Variants in SRGAP1 observed in about 807,000 individuals in gnomAD.
SRGAP1 encodes SLIT-ROBO Rho GTPase-activating protein 1.
In SRGAP1, 43 loss-of-function variants were observed where a neutral mutation model predicts 121.9. The observed-to-expected ratio is 0.35, with a 90% CI of 0.28 to 0.46. The LOEUF (loss-of-function observed/expected upper bound fraction) is 0.46, where lower values mean the gene tolerates loss of function less well. SRGAP1 is among the 20% of genes least tolerant of loss of function. The pLI is 1.00. For missense variants in SRGAP1, 1,102 were observed against 1,350.9 expected (o/e 0.82, Z 2.89); for synonymous variants, 447 against 485.4 (o/e 0.92, Z 1.04).
At chr12:63,935,174 G>GT (rs112070465) in intron 1 of SRGAP1, among the ~76,000 whole-genome samples, 451 of 152,112 alleles carry the variant, frequency 3.0e-3, no homozygotes, top group African/African-American at 0.01. Flanking sequence ...AAAAGTAAAT[G>GT]TTTTTTTAAA....
At chr12:64,011,321 A>T (rs2034246240) in intron 3 of SRGAP1, among the ~76,000 whole-genome samples, 1 of 152,166 alleles carries the variant, frequency 6.6e-6, no homozygotes, top group South Asian at 2.1e-4. Flanking sequence ...AGAATTGATA[A>T]GATTGGTAAC....
intron 1 of SRGAP1, among the ~76,000 whole-genome samples, chr12:63,853,136 C>T (rs1246825087): frequency 6.6e-6 from 1 of 151,782 alleles, no homozygotes; most frequent in Non-Finnish European, 1.5e-5. Flanking sequence ...TCTCCTGCCT[C>T]AGACTCATGA....
intron 14 of SRGAP1, among the ~76,000 whole-genome samples, chr12:64,095,544 C>T (rs2036140317): frequency 6.6e-6 from 1 of 152,138 alleles, no homozygotes; most frequent in South Asian, 2.1e-4. Context: ...CAGCTCCTCC[C>T]TGCTGCCCAG....
At chr12:64,033,079 T>C (rs2034818766) in intron 4 of SRGAP1, among the ~76,000 whole-genome samples, 2 of 152,120 alleles carry the variant, frequency 1.3e-5, no homozygotes, top group African/African-American at 4.8e-5. Flanking sequence ...AACACTACAG[T>C]GAACAGAAGC....
At chr12:63,904,902 C>G (rs2030126911) in intron 1 of SRGAP1, among the ~76,000 whole-genome samples, 1 of 152,068 alleles carries the variant, frequency 6.6e-6, no homozygotes, top group Non-Finnish European at 1.5e-5. Flanking sequence ...TCACTGCACT[C>G]CAGCCTGAGT....
At chr12:63,964,606 A>G (rs757596562) in intron 1 of SRGAP1, among the ~76,000 whole-genome samples, 3 of 151,844 alleles carry the variant, frequency 2.0e-5, no homozygotes, top group Admixed American at 6.6e-5. Context: ...CTTGAGGCCT[A>G]TATAACTCCC....
chr12:63,922,617 C>T (rs2031103865), intron 1 of SRGAP1, among the ~76,000 whole-genome samples: 1 of 152,226 alleles, frequency 6.6e-6, no homozygotes, highest in South Asian at 2.1e-4. Flanking sequence ...TTGCACCATC[C>T]TTCACATTCC....
At chr12:64,117,333 T>C (rs2036538847) in intron 18 of SRGAP1, among the ~76,000 whole-genome samples, 1 of 152,232 alleles carries the variant, frequency 6.6e-6, no homozygotes, top group East Asian at 1.9e-4. Flanking sequence ...TCTTTTTGTT[T>C]GGTTTCGCTT....
intron 1 of SRGAP1, among the ~76,000 whole-genome samples, chr12:63,936,540 G>A (rs2031667525): frequency 6.6e-6 from 1 of 152,046 alleles, no homozygotes; most frequent in South Asian, 2.1e-4. Flanking sequence ...ACTTTTTCTG[G>A]TCTCATATGA....
Position 63,918,562 on chromosome 12 carries a change from A to G in SRGAP1, c.68-65385A>G, listed in dbSNP as rs146446580. On this transcript the variant is annotated intron_variant, in intron 1 of 21. Transcript: ENST00000355086. ...CTCCTGAGTAGCTGGAACTACAGTC[A>G]TGTGCCACCATGCCCAGTTAATTTG... Among the ~76,000 whole-genome samples, 1,499 of 152,234 alleles carry G rather than the reference A, an allele frequency of 9.8e-3. 16 individuals carry two copies. The highest frequency in any genetic ancestry group is 0.015 in the Non-Finnish European group (1,036 of 68,004).
chr12:63,853,871 C>T (rs890842724), intron 1 of SRGAP1, among the ~76,000 whole-genome samples: 1 of 152,226 alleles, frequency 6.6e-6, no homozygotes, highest in African/African-American at 2.4e-5. Context: ...CAAAGCTTAG[C>T]CTCTGGATTG....
intron 3 of SRGAP1, among the ~76,000 whole-genome samples, chr12:63,999,941 T>G (rs1593022185): frequency 1.3e-5 from 2 of 152,130 alleles, no homozygotes; most frequent in East Asian, 3.9e-4. Context: ...ATAAAATGAC[T>G]GAGAAGGATC....
chr12:63,913,853 A>G (rs1321907680), intron 1 of SRGAP1, among the ~76,000 whole-genome samples: 2 of 152,120 alleles, frequency 1.3e-5, no homozygotes, highest in East Asian at 3.9e-4. Context: ...GCATTTTTAT[A>G]TCTTAATTTT....
chr12:63,982,918 C>A (rs978243838), intron 1 of SRGAP1: 1 of 152,206 alleles, frequency 6.6e-6, no homozygotes, highest in African/African-American at 2.4e-5. Flanking sequence ...GACCACCTTT[C>A]ATGTTCCTAA....
rs1592367680 is a variant in SRGAP1 at position 64,154,598 on chromosome 12, A to G, written c.*11926A>G. 6.6e-6 allele frequency: 1 copy of G among 152,216 alleles called. No individual in the cohort carries two copies. Among genetic ancestry groups the G allele is most frequent in the Non-Finnish European group, 1.5e-5 (1 of 68,044 alleles). The allele number at this position is 152,216 out of a possible 1,614,324, so 9.4% of individuals were successfully genotyped here. A position where few individuals can be genotyped will look rare whatever the true frequency, so the allele number is the denominator to read the frequency against. ...GGGTGGAATATATTGATATATACTT[A>G]AAAAGAATGACTGGGGAAAGGAAGA... On this transcript the variant is annotated 3_prime_UTR_variant, in exon 22 of 22. Transcript: ENST00000355086.
intron 11 of SRGAP1, among the ~76,000 whole-genome samples, chr12:64,088,030 C>A (rs1037848502): frequency 6.6e-6 from 1 of 152,170 alleles, no homozygotes; most frequent in African/African-American, 2.4e-5. Context: ...CAAGATGTTG[C>A]ATTTTTGAAA....
intron 1 of SRGAP1, among the ~76,000 whole-genome samples, chr12:63,875,484 T>C (rs1900000942): frequency 6.6e-6 from 1 of 152,242 alleles, no homozygotes; most frequent in South Asian, 2.1e-4. Flanking sequence ...TGGTATGTTG[T>C]TGAACCAGAA....
intron 3 of SRGAP1, among the ~76,000 whole-genome samples, chr12:64,003,711 C>A (rs1480203423): frequency 6.6e-6 from 1 of 151,896 alleles, no homozygotes; most frequent in Non-Finnish European, 1.5e-5. Context: ...GGGAATGATA[C>A]CCAAATGTCT....
intron 8 of SRGAP1, among the ~76,000 whole-genome samples, chr12:64,071,616 G>T (rs1351829985): frequency 2.0e-5 from 3 of 152,096 alleles, no homozygotes; most frequent in Non-Finnish European, 4.4e-5. Context: ...CACCCTCATG[G>T]GTCATTAAAT....
Sources: allele counts gnomAD v4.1 joint callset (sites outside exome capture counted in the v4.1 genomes callset), GRCh38; gene constraint gnomAD v4.1.1; transcripts MANE v1.5; gene names NCBI Gene and HGNC (gene_info 2026-07-23, HGNC 2026-07-21).